Variants in POLDIP3 observed in about 807,000 individuals in gnomAD.
POLDIP3 encodes the protein polymerase delta-interacting protein 3.
A neutral mutation model predicts 45.1 loss-of-function variants in POLDIP3; 14 were observed. That is an observed-to-expected ratio of 0.31 (90% CI 0.20 to 0.49). The LOEUF is 0.49. Ranked by LOEUF, POLDIP3 falls within the 20% of genes least tolerant of loss-of-function variation. The pLI is 0.99. For synonymous variants in POLDIP3, 223 were observed against 205.2 expected (o/e 1.09, Z -0.74); for missense variants, 511 against 538.8 (o/e 0.95, Z 0.51).
chr22:42,606,780 C>T (rs1926756437), intron 1 of POLDIP3, among the ~76,000 whole-genome samples: 1 of 152,114 alleles, frequency 6.6e-6, no homozygotes, highest in African/African-American at 2.4e-5. Context: ...AATGTTACAA[C>T]CCCGTGAATC....
chr22:42,585,414 G>A lies in POLDIP3; in HGVS notation c.*377C>T. 1 of 366,038 alleles carries A rather than the reference G, an allele frequency of 2.7e-6. No homozygotes were observed. The highest frequency in any genetic ancestry group is 5.4e-6 in the Non-Finnish European group (1 of 184,534). 22.7% of individuals were successfully genotyped at this position (366,038 alleles called of 1,614,324 possible). A position where few individuals can be genotyped will look rare whatever the true frequency, so the allele number is the denominator to read the frequency against. ...GGCAGCCCCTCGGCCCCTGGAAAAAGCAGGGTCCTTCAGACAGCCCCCACG... is the reference window on the plus strand; with the variant it reads ...GGCAGCCCCTCGGCCCCTGGAAAAAACAGGGTCCTTCAGACAGCCCCCACG... On this transcript the variant is annotated 3_prime_UTR_variant, in exon 9 of 9. Coordinates refer to ENST00000252115, the MANE Select transcript of POLDIP3 (RefSeq NM_032311.5).
chr22:42,609,212 G>A (rs1448506599), intron 1 of POLDIP3, among the ~76,000 whole-genome samples: 1 of 152,168 alleles, frequency 6.6e-6, no homozygotes, highest in Non-Finnish European at 1.5e-5. Flanking sequence ...GACTACTGAC[G>A]TTCCCAAAAC....
intron 3 of POLDIP3, among the ~76,000 whole-genome samples, chr22:42,601,060 A>C (rs1926334805): frequency 6.6e-6 from 1 of 151,966 alleles, no homozygotes; most frequent in African/African-American, 2.4e-5. Flanking sequence ...GCACCACTGC[A>C]CTCCAGCCTG....
At chr22:42,596,131 T>C (rs938271558) in intron 5 of POLDIP3, 55 bp downstream of exon 5, 7 of 1,564,882 alleles carry the variant, frequency 4.5e-6, no homozygotes, top group East Asian at 2.2e-5. Context: ...ATGAGGTACA[T>C]ATAAGCATAC....
In POLDIP3 at chr22:42,584,846, C is replaced by A; in HGVS notation, c.*945G>T. The A allele has an allele frequency of 2.2e-6, 1 of 454,982 alleles. No individual in the cohort carries two copies. Among genetic ancestry groups the A allele is most frequent in the Admixed American group, 2.4e-5 (1 of 42,372 alleles). 28.2% of individuals were successfully genotyped at this position (454,982 alleles called of 1,614,324 possible). A position where few individuals can be genotyped will look rare whatever the true frequency, so the allele number is the denominator to read the frequency against. On this transcript the variant is annotated 3_prime_UTR_variant, in exon 9 of 9. Transcript: ENST00000252115. ...ACCACTGTCCTGTAGACAACTGAGG[C>A]CAGAAATGGAGAGCCAGGAACAAAC...
Position 42,596,359 on chromosome 22 carries a change from G to A in POLDIP3, c.640C>T (p.Leu214=), listed in dbSNP as rs1925991161. 1.9e-6 allele frequency: 3 copies of A among 1,613,536 alleles called. No individual in the cohort carries two copies. ...GACATGGAAAGCTTGGAACTGCTTAGCCCAGCCTAAACGAAGAGACAGAAA... is the reference window on the plus strand; with the variant it reads ...GACATGGAAAGCTTGGAACTGCTTAACCCAGCCTAAACGAAGAGACAGAAA... The part of the protein sequence containing the change: ...SGGFLHHMAG[L]SSSKLSMSKA... Residue 214 remains leucine, a synonymous_variant, in exon 5 of 9, where the codon CTA becomes TTA. Transcript: ENST00000252115.
intron 1 of POLDIP3, among the ~76,000 whole-genome samples, chr22:42,611,360 A>G (rs991817263): frequency 1.3e-4 from 20 of 152,184 alleles, no homozygotes; most frequent in African/African-American, 4.8e-4. Flanking sequence ...TGAGGAACAC[A>G]AAACAGAATG....
At chr22:42,587,186 G>A (rs1925363970) in intron 8 of POLDIP3, among the ~76,000 whole-genome samples, 1 of 152,216 alleles carries the variant, frequency 6.6e-6, no homozygotes, top group East Asian at 1.9e-4. Context: ...CAATCATGCA[G>A]TGGAGTTCTC....
intron 3 of POLDIP3, 59 bp downstream of exon 3, chr22:42,601,911 C>T (rs1302439332): frequency 3.6e-5 from 57 of 1,575,070 alleles, no homozygotes; most frequent in Non-Finnish European, 4.8e-5. Context: ...CACGTGCACA[C>T]CTACATGTTC....
At chr22:42,591,808 C>CA (rs769159081) in intron 7 of POLDIP3, 147 bp downstream of exon 7, 23 of 1,089,546 alleles carry the variant, frequency 2.1e-5, no homozygotes, top group Non-Finnish European at 3.1e-5. Flanking sequence ...CAGGACTACT[C>CA]AGAGACTGCA....
chr22:42,600,277 TCA>T (rs1472234911), intron 3 of POLDIP3, among the ~76,000 whole-genome samples: 1 of 152,210 alleles, frequency 6.6e-6, no homozygotes. Flanking sequence ...ATATGAAATG[TCA>T]CAGAGAAATG....
At chr22:42,592,163 T>C (rs1056254175) in intron 6 of POLDIP3, 79 bp from the exon 7 acceptor site, 32 of 1,583,624 alleles carry the variant, frequency 2.0e-5, no homozygotes, top group Non-Finnish European at 2.6e-5. Flanking sequence ...GGCCCTGGGG[T>C]GTGGTGGTTC....
At chr22:42,611,062 A>G (rs1927089064) in intron 1 of POLDIP3, among the ~76,000 whole-genome samples, 1 of 152,240 alleles carries the variant, frequency 6.6e-6, no homozygotes, top group African/African-American at 2.4e-5. Context: ...GGAGGAAGGT[A>G]TCACTCAAAA....
chr22:42,597,298 G>A (rs144108548), intron 4 of POLDIP3, among the ~76,000 whole-genome samples: 274 of 152,344 alleles, frequency 1.8e-3, no homozygotes, highest in African/African-American at 6.0e-3. Context: ...AGGGAGAAAG[G>A]AGGAACGCAG....
chr22:42,595,666 C>G (rs1466275173), intron 5 of POLDIP3, 52 bp from the exon 6 acceptor site: 1 of 1,538,408 alleles, frequency 6.5e-7, no homozygotes, highest in African/African-American at 1.4e-5. Context: ...ATAAGCATTC[C>G]CACAACAGAA....
chr22:42,586,099 T>C, intron 8 of POLDIP3, 131 bp from the exon 9 acceptor site: 1 of 797,222 alleles, frequency 1.3e-6, no homozygotes, highest in East Asian at 2.8e-5. Flanking sequence ...CTTCATCTCA[T>C]TCCACCTCGC....
At chr22:42,597,599 C>G in intron 4 of POLDIP3, 1 of 419,468 alleles carries the variant, frequency 2.4e-6, no homozygotes, top group South Asian at 1.8e-5. Context: ...GTACCCATCT[C>G]ACAGGGTACA....
intron 8 of POLDIP3, 40 bp downstream of exon 8, chr22:42,587,466 C>CG (rs1397492589): frequency 6.4e-7 from 1 of 1,563,322 alleles, no homozygotes; most frequent in Non-Finnish European, 8.8e-7. Flanking sequence ...AAGAGATGGA[C>CG]GGAGCTGCCT....
At chr22:42,613,558 G>A (rs907972881) in intron 1 of POLDIP3, among the ~76,000 whole-genome samples, 10 of 152,108 alleles carry the variant, frequency 6.6e-5, no homozygotes, top group South Asian at 6.2e-4. Context: ...TCAGGAGTTC[G>A]AAACCAGCCT....
Sources: gnomAD v4.1 joint callset for allele counts (sites outside exome capture counted in the v4.1 genomes callset) on GRCh38, gnomAD v4.1.1 for gene constraint, MANE v1.5 for transcripts, NCBI Gene and HGNC (gene_info 2026-07-23, HGNC 2026-07-21) for gene names.